KCNQ1: variants seen among roughly 807,000 people sequenced by gnomAD.
KCNQ1 encodes potassium voltage-gated channel subfamily Q member 1.
In KCNQ1, 49 loss-of-function variants were observed where a neutral mutation model predicts 72.4. The observed-to-expected ratio is 0.68, with a 90% CI of 0.54 to 0.86. KCNQ1 has a LOEUF of 0.86. KCNQ1 is among the 40% of genes least tolerant of loss of function. The pLI, the probability that KCNQ1 is intolerant of heterozygous loss-of-function variation, is 0.00. For synonymous variants in KCNQ1, 450 were observed against 412.6 expected (o/e 1.09, Z -1.10); for missense variants, 790 against 945.1 (o/e 0.84, Z 2.15).
In KCNQ1 at chr11:2,661,986, A is replaced by G; in HGVS notation, c.1419A>G (p.Glu473=). The change falls in exon 11 of 16, where the codon GAA becomes GAG. Residue 473 remains glutamate, a synonymous_variant. Coordinates refer to ENST00000155840, the MANE Select transcript of KCNQ1 (RefSeq NM_000218.3). This position sits in a 1 kb window ranked among gnomAD's most constrained non-coding sequence, Gnocchi z 5.9. ...SSVRKSPTLL[E]VSMPHFMRTN... ...TAAGGAAGAGCCCAACACTGCTGGA[A>G]GTGAGCATGCCCCATTTCATGAGAA... The G allele has an allele frequency of 6.2e-7, 1 of 1,614,220 alleles. No homozygotes were observed. Among genetic ancestry groups the G allele is most frequent in the East Asian group, 2.2e-5 (1 of 44,876 alleles).
At chr11:2,519,230 C>G (rs1211990697) in intron 1 of KCNQ1, among the ~76,000 whole-genome samples, 1 of 152,248 alleles carries the variant, frequency 6.6e-6, no homozygotes, top group African/African-American at 2.4e-5. Context: ...CATGTCCCGC[C>G]TGTGCCGGGA....
Position 2,657,615 on chromosome 11 carries a change from G to A in KCNQ1, c.1394-4346G>A. ...TGACCAAAACTAAAAAATTAACATT[G>A]GTACACTATTAAGCTAGAGTTATAA... On this transcript the variant is annotated intron_variant, in intron 10 of 15. Coordinates refer to ENST00000155840, the MANE Select transcript of KCNQ1 (RefSeq NM_000218.3). This position sits in a 1 kb window ranked among gnomAD's most constrained non-coding sequence, Gnocchi z 4.8. 2.5e-6 allele frequency: 1 copy of A among 398,526 alleles called. No individual in the cohort carries two copies. Among genetic ancestry groups the A allele is most frequent in the Admixed American group, 4.4e-5 (1 of 22,736 alleles). 24.7% of individuals were successfully genotyped at this position (398,526 alleles called of 1,614,324 possible). A position where few individuals can be genotyped will look rare whatever the true frequency, so the allele number is the denominator to read the frequency against.
At chr11:2,699,802 C>T (rs896864023) in intron 11 of KCNQ1, 12 of 397,214 alleles carry the variant, frequency 3.0e-5, no homozygotes, top group Admixed American at 1.3e-4. Context: ...AGGGGCGCGC[C>T]GGGGAGAACC....
chr11:2,511,671 CCCCATGCCAGGCCTGTTGCAAAAT>C (rs1379026970), intron 1 of KCNQ1, among the ~76,000 whole-genome samples: 1 of 152,204 alleles, frequency 6.6e-6, no homozygotes, highest in African/African-American at 2.4e-5. Flanking sequence ...TAATTCAATG[CCCCATGCCAGGCCTGTTGCAAAAT>C]TAGCCACTTC....
chr11:2,592,161 C>T lies in KCNQ1; in HGVS notation c.1393+3307C>T, dbSNP rs1037901789. 6.6e-6 allele frequency among the ~76,000 whole-genome samples: 1 copy of T among 152,242 alleles called. No individual in the cohort carries two copies. Among genetic ancestry groups the T allele is most frequent in the Admixed American group, 6.5e-5 (1 of 15,294 alleles). ...TACCTGTCTGCGCCATCCACCTGCA[C>T]ACAAGCCCCTTCAGCTCGTGCTCTA... On this transcript the variant is annotated intron_variant, in intron 10 of 15. Coordinates refer to ENST00000155840, the MANE Select transcript of KCNQ1 (RefSeq NM_000218.3). The surrounding 1 kb of genome is among the most constrained non-coding windows in gnomAD (Gnocchi z 5.2).
chr11:2,469,736 C>T (rs1033645428), intron 1 of KCNQ1, among the ~76,000 whole-genome samples: 7 of 151,982 alleles, frequency 4.6e-5, no homozygotes, highest in South Asian at 4.1e-4. Flanking sequence ...TGCAGTGGCG[C>T]GATCTCGGCT....
Position 2,671,244 on chromosome 11 carries a change from A to G in KCNQ1, c.1514+9163A>G, listed in dbSNP as rs998535327. ...AGACAGGAGTCCAGGTCTGACCTCAAAATCCGATGTCCCCACCATCCCCAG... is the reference window on the plus strand; with the variant it reads ...AGACAGGAGTCCAGGTCTGACCTCAGAATCCGATGTCCCCACCATCCCCAG... On this transcript the variant is annotated intron_variant, in intron 11 of 15. Transcript: ENST00000155840. The surrounding 1 kb of genome is among the most constrained non-coding windows in gnomAD (Gnocchi z 4.7). The G allele has an allele frequency of 7.5e-6, 3 of 398,514 alleles. No individual in the cohort carries two copies. Among genetic ancestry groups the G allele is most frequent in the African/African-American group, 6.2e-5 (3 of 48,638 alleles). 24.7% of individuals were successfully genotyped at this position (398,514 alleles called of 1,614,324 possible). A position where few individuals can be genotyped will look rare whatever the true frequency, so the allele number is the denominator to read the frequency against.
chr11:2,611,004 T>C lies in KCNQ1; in HGVS notation c.1393+22150T>C. 1 of 398,522 alleles carries C rather than the reference T, an allele frequency of 2.5e-6. No individual in the cohort carries two copies. 24.7% of individuals were successfully genotyped at this position (398,522 alleles called of 1,614,324 possible). On this transcript the variant is annotated intron_variant, in intron 10 of 15. Coordinates refer to ENST00000155840, the MANE Select transcript of KCNQ1 (RefSeq NM_000218.3). The surrounding 1 kb of genome is among the most constrained non-coding windows in gnomAD (Gnocchi z 5.3). ...ACTATTATTGTTGAGTTGTCTATTA[T>C]TGTTCAGTTGTCTGTTTCTCTCTTC...
rs1849863761 is a variant in KCNQ1, at chr11:2,657,094, T to C, written c.1394-4867T>C. 1.5e-5 allele frequency: 6 copies of C among 398,518 alleles called. No homozygotes were observed. The East Asian group carries it at 2.1e-4, about 14-fold the overall frequency. 24.7% of individuals were successfully genotyped at this position (398,518 alleles called of 1,614,324 possible). On this transcript the variant is annotated intron_variant, in intron 10 of 15. Coordinates refer to ENST00000155840, the MANE Select transcript of KCNQ1 (RefSeq NM_000218.3). This position sits in a 1 kb window ranked among gnomAD's most constrained non-coding sequence, Gnocchi z 4.8. ...CCATTGGCCTATTTGTCTCTCCCTG[T>C]GTCAATACCACATTGCCCTAATGAC...
chr11:2,560,112 G>C (rs375743051), intron 2 of KCNQ1, among the ~76,000 whole-genome samples: 1 of 127,178 alleles, frequency 7.9e-6, no homozygotes, highest in East Asian at 2.4e-4. Flanking sequence ...CGGTCAGGAG[G>C]GGGTTAGCAT....
chr11:2,848,702 G>A lies in KCNQ1; in HGVS notation c.*699G>A, dbSNP rs1273060597. The A allele has an allele frequency of 8.9e-6, 4 of 451,430 alleles. No homozygotes were observed. The highest frequency in any genetic ancestry group is 7.1e-5 in the Admixed American group (3 of 42,500). The allele number at this position is 451,430 out of a possible 1,614,324, so 28.0% of individuals were successfully genotyped here. A position where few individuals can be genotyped will look rare whatever the true frequency, so the allele number is the denominator to read the frequency against. On this transcript the variant is annotated 3_prime_UTR_variant, in exon 16 of 16. Coordinates refer to ENST00000155840, the MANE Select transcript of KCNQ1 (RefSeq NM_000218.3). ...GCCAGCTCTTCCTAGCTGGAGAGGA[G>A]CCCTGCCTCTCCGCCCCTGAGCCCA... is the stretch of plus-strand genomic sequence containing the variant.
In KCNQ1 at chr11:2,450,400, G is replaced by T. The variant is rs887932000; in HGVS notation, c.386+4916G>T. Among the ~76,000 whole-genome samples the T allele has an allele frequency of 1.4e-4, 22 of 152,170 alleles. No homozygotes were observed. The highest frequency in any genetic ancestry group is 2.9e-5 in the Non-Finnish European group (2 of 68,022). Reference sequence around the variant, plus strand: ...AGAAGCTTCCAGAAGCCCAACATCTGCTGCTGGAGGGGAGAATGAGGCAAT... The same window carrying T: ...AGAAGCTTCCAGAAGCCCAACATCTTCTGCTGGAGGGGAGAATGAGGCAAT... On this transcript the variant is annotated intron_variant, in intron 1 of 15. Transcript: ENST00000155840. This position sits in a 1 kb window ranked among gnomAD's most constrained non-coding sequence, Gnocchi z 7.9.
intron 7 of KCNQ1, among the ~76,000 whole-genome samples, chr11:2,584,947 C>T (rs1848571054): frequency 6.6e-6 from 1 of 152,172 alleles, no homozygotes; most frequent in South Asian, 2.1e-4. Flanking sequence ...ACCTGGCCCC[C>T]AGAATGGTCC....
At chr11:2,449,303 G>A (rs1846090533) in intron 1 of KCNQ1, among the ~76,000 whole-genome samples, 1 of 152,248 alleles carries the variant, frequency 6.6e-6, no homozygotes, top group Admixed American at 6.5e-5. Flanking sequence ...GGGGTACTGG[G>A]GGCAGGAGGG....
chr11:2,630,171 ATGAT>A (rs1439634359), intron 10 of KCNQ1: 1 of 398,220 alleles, frequency 2.5e-6, no homozygotes, highest in Non-Finnish European at 4.4e-6. Flanking sequence ...ACTTATCAAA[ATGAT>A]TGTATGATTT....
intron 15 of KCNQ1, among the ~76,000 whole-genome samples, chr11:2,819,183 C>T (rs1047471602): frequency 6.6e-6 from 1 of 152,256 alleles, no homozygotes; most frequent in African/African-American, 2.4e-5. Flanking sequence ...GTAGGCCAGA[C>T]AGCCAAAGTC....
chr11:2,822,632 G>GC (rs1847761110), intron 15 of KCNQ1, among the ~76,000 whole-genome samples: 2 of 152,338 alleles, frequency 1.3e-5, no homozygotes, highest in African/African-American at 4.8e-5. Flanking sequence ...ATAGTCATGG[G>GC]CCAAGGCCCC....
chr11:2,796,993 C>T (rs1015728714), intron 15 of KCNQ1, among the ~76,000 whole-genome samples: 6 of 152,248 alleles, frequency 3.9e-5, no homozygotes, highest in East Asian at 1.9e-4. Context: ...AAATTAGATC[C>T]GTGGGGAGAG....
chr11:2,577,482 A>G (rs1848439308), intron 6 of KCNQ1, among the ~76,000 whole-genome samples: 1 of 152,210 alleles, frequency 6.6e-6, no homozygotes, highest in Non-Finnish European at 1.5e-5. Context: ...CCTGGGTGCC[A>G]TGGGGGTGTT....
Sources: gnomAD v4.1 joint callset for allele counts (sites outside exome capture counted in the v4.1 genomes callset) on GRCh38, gnomAD v4.1.1 for gene constraint, Gnocchi (gnomAD v3.1) non-coding constraint, MANE v1.5 for transcripts, NCBI Gene and HGNC (gene_info 2026-07-23, HGNC 2026-07-21) for gene names.